Variants in DPP6 observed in about 807,000 individuals in gnomAD.
DPP6 encodes the protein dipeptidyl peptidase like 6, also known as A-type potassium channel modulatory protein DPP6.
Under a neutral mutation model 122.6 loss-of-function variants are expected in DPP6, and 69 were observed. The ratio of observed to expected loss-of-function variants is 0.56; its 90% CI spans 0.46 to 0.69. The LOEUF (loss-of-function observed/expected upper bound fraction) is 0.69. Ranked by LOEUF, DPP6 falls within the 30% of genes least tolerant of loss-of-function variation. DPP6 has a pLI of 0.00. For synonymous variants in DPP6, 418 were observed against 433.1 expected (o/e 0.97, Z 0.43); for missense variants, 928 against 1,116.9 (o/e 0.83, Z 2.41).
At chr7:153,837,298 G>T in the DPP6 span, among the ~76,000 whole-genome samples, 1 of 152,026 alleles carries the variant, frequency 6.6e-6, no homozygotes, top group Non-Finnish European at 1.5e-5. Flanking sequence ...CACAGCAATA[G>T]CTGCCAATGT....
At chr7:154,057,165 C>A (rs905665028) in intron 1 of DPP6, among the ~76,000 whole-genome samples, 2 of 152,204 alleles carry the variant, frequency 1.3e-5, no homozygotes, top group Admixed American at 1.3e-4. Flanking sequence ...ATTACTGTTT[C>A]TAAAGGATGG....
chr7:154,064,485 A>G (rs1320795370), intron 1 of DPP6, among the ~76,000 whole-genome samples: 1 of 152,100 alleles, frequency 6.6e-6, no homozygotes, highest in Non-Finnish European at 1.5e-5. Flanking sequence ...TGACCTACAG[A>G]GAAAAAAAAG....
At chr7:153,902,649 A>G (rs1799685700) in intron 1 of DPP6, among the ~76,000 whole-genome samples, 1 of 152,096 alleles carries the variant, frequency 6.6e-6, no homozygotes, top group Non-Finnish European at 1.5e-5. Context: ...AGCCTGGCCA[A>G]CATGGTGAAA....
chr7:153,756,426 C>T, the DPP6 span, among the ~76,000 whole-genome samples: 4 of 151,964 alleles, frequency 2.6e-5, no homozygotes, highest in Admixed American at 6.6e-5. Context: ...GGTTTTGGCA[C>T]ATTCCATTAT....
chr7:154,596,386 A>T (rs974375271), intron 5 of DPP6, among the ~76,000 whole-genome samples: 2 of 152,254 alleles, frequency 1.3e-5, no homozygotes, highest in African/African-American at 4.8e-5. Flanking sequence ...AGGAATTCAC[A>T]TTCCGCTGAC....
rs576636005 is a variant in DPP6 at position 154,643,198 on chromosome 7, T to C, written c.680+5325T>C. ...ATTTTAATTTCCCTCTTAAAAGAAG[T>C]ATCTATGGCCTCAACTGTCTACAAT... is the stretch of plus-strand genomic sequence containing the variant. On this transcript the variant is annotated intron_variant, in intron 6 of 25. Coordinates refer to ENST00000377770, the MANE Select transcript of DPP6 (RefSeq NM_130797.4). Among the ~76,000 whole-genome samples the C allele has an allele frequency of 1.0e-3, 153 of 152,206 alleles. 2 individuals carry two copies. Among genetic ancestry groups the C allele is most frequent in the African/African-American group, 3.4e-3 (143 of 41,542 alleles).
At chr7:154,699,236 C>A (rs549870161) in intron 7 of DPP6, among the ~76,000 whole-genome samples, 54 of 152,222 alleles carry the variant, frequency 3.5e-4, no homozygotes, top group Non-Finnish European at 6.8e-4. Context: ...GGAGGCCACT[C>A]GTATTAGGAC....
intron 1 of DPP6, among the ~76,000 whole-genome samples, chr7:153,926,648 ATG>A (rs1800913329): frequency 1.3e-5 from 2 of 152,114 alleles, no homozygotes; most frequent in East Asian, 3.9e-4. Flanking sequence ...TCTCCCTATG[ATG>A]CAAAGAACCC....
intron 1 of DPP6, among the ~76,000 whole-genome samples, chr7:154,033,150 A>T (rs1799345783): frequency 6.6e-6 from 1 of 152,198 alleles, no homozygotes; most frequent in Admixed American, 6.5e-5. Context: ...GTACCCCACA[A>T]GTGATAGAAT....
chr7:154,886,080 C>T (rs561165683), intron 22 of DPP6, among the ~76,000 whole-genome samples: 48 of 152,322 alleles, frequency 3.2e-4, no homozygotes, highest in African/African-American at 1.0e-3. Flanking sequence ...CAGGCCCTGC[C>T]GGGCCGCCCT....
intron 1 of DPP6, among the ~76,000 whole-genome samples, chr7:154,404,355 T>A (rs1015901389): frequency 2.0e-5 from 3 of 152,030 alleles, no homozygotes; most frequent in African/African-American, 7.2e-5. Flanking sequence ...GTGGAAGAAA[T>A]CATAAAAGAA....
the DPP6 span, among the ~76,000 whole-genome samples, chr7:153,868,056 T>C: frequency 6.6e-6 from 1 of 152,308 alleles, no homozygotes; most frequent in South Asian, 2.1e-4. Flanking sequence ...AGTTTGCCAG[T>C]ATTTTATTGA....
chr7:154,599,845 C>G (rs115216778), intron 5 of DPP6, among the ~76,000 whole-genome samples: 2,252 of 152,158 alleles, frequency 0.015, 56 homozygotes, highest in African/African-American at 0.051. Context: ...TCTAAGCTGA[C>G]CCCACTCCTT....
chr7:154,854,576 TA>T (rs961785867), intron 17 of DPP6, among the ~76,000 whole-genome samples: 1 of 152,176 alleles, frequency 6.6e-6, no homozygotes, highest in African/African-American at 2.4e-5. Flanking sequence ...GACCTCTTGC[TA>T]AAGCTGGGCA....
At chr7:154,526,522 T>G (rs1390822329) in intron 3 of DPP6, among the ~76,000 whole-genome samples, 1 of 152,176 alleles carries the variant, frequency 6.6e-6, no homozygotes, top group African/African-American at 2.4e-5. Flanking sequence ...TTGAAATGTG[T>G]CTAGTATAAA....
intron 1 of DPP6, among the ~76,000 whole-genome samples, chr7:154,188,773 AC>A (rs1474891294): frequency 7.9e-5 from 12 of 152,256 alleles, no homozygotes; most frequent in African/African-American, 2.9e-4. Context: ...GCCTCTATGT[AC>A]TTAAATATGC....
chr7:154,557,413 G>A (rs1180542210), intron 4 of DPP6, among the ~76,000 whole-genome samples: 1 of 152,174 alleles, frequency 6.6e-6, no homozygotes, highest in Non-Finnish European at 1.5e-5. Context: ...TGGTGTTATT[G>A]CGTATCAGCC....
At chr7:154,440,299 T>C (rs964543595) in intron 1 of DPP6, among the ~76,000 whole-genome samples, 6 of 152,140 alleles carry the variant, frequency 3.9e-5, no homozygotes, top group African/African-American at 1.2e-4. Flanking sequence ...GGAGGCGGCA[T>C]TAATTCATAC....
rs536085461 is a variant in DPP6, at chr7:154,208,608, G to A, written c.243+155545G>A. Among the ~76,000 whole-genome samples the A allele has an allele frequency of 5.9e-5, 9 of 152,314 alleles. No homozygotes were observed. In the South Asian group the frequency reaches 1.9e-3, roughly 32 times the overall value. Reference sequence around the variant, plus strand: ...GCTTGAATCCCCAACAAAAGAAAATGGAGTGCTTTGTGCAAATGTTAAATG... The same window carrying A: ...GCTTGAATCCCCAACAAAAGAAAATAGAGTGCTTTGTGCAAATGTTAAATG... On this transcript the variant is annotated intron_variant, in intron 1 of 25. Coordinates refer to ENST00000377770, the MANE Select transcript of DPP6 (RefSeq NM_130797.4).
Sources: gnomAD v4.1 joint callset for allele counts (sites outside exome capture counted in the v4.1 genomes callset) on GRCh38, gnomAD v4.1.1 for gene constraint, MANE v1.5 for transcripts, NCBI Gene and HGNC (gene_info 2026-07-23, HGNC 2026-07-21) for gene names.